The following ATF7IP variants were observed in gnomAD, a reference collection of about 807,000 sequenced individuals.
The protein encoded by ATF7IP is activating transcription factor 7-interacting protein 1.
Under a neutral mutation model 106.4 loss-of-function variants are expected in ATF7IP, and 23 were observed. The observed-to-expected ratio is 0.22, with a 90% confidence interval of 0.16 to 0.31. The LOEUF (loss-of-function observed/expected upper bound fraction) is 0.31, where lower values mean the gene tolerates loss of function less well. Among genes scored for constraint, ATF7IP ranks in the 10% least tolerant of loss-of-function variants. The pLI is 1.00. For missense variants in ATF7IP, 1,334 were observed against 1,524.3 expected (o/e 0.88, Z 2.08); for synonymous variants, 542 against 539.0 (o/e 1.01, Z -0.08).
At chr12:14,487,554 A>AC (rs1944663997) in intron 13 of ATF7IP, among the ~76,000 whole-genome samples, 1 of 152,226 alleles carries the variant, frequency 6.6e-6, no homozygotes, top group South Asian at 2.1e-4. Context: ...CAGGGAGGGT[A>AC]CGTTGCCCTC....
intron 1 of ATF7IP, among the ~76,000 whole-genome samples, chr12:14,405,529 C>T (rs572217145): frequency 1.3e-5 from 2 of 150,962 alleles, no homozygotes; most frequent in Non-Finnish European, 2.9e-5. Flanking sequence ...ATCCTCCCAC[C>T]TCAGCCTCCG....
chr12:14,392,258 C>T lies in ATF7IP; in HGVS notation c.-8+26431C>T, dbSNP rs1591779727. Among the ~76,000 whole-genome samples the T allele has an allele frequency of 4.0e-5, 6 of 151,208 alleles. No homozygotes were observed. In the East Asian group the frequency reaches 1.2e-3, roughly 29 times the overall value. Reference sequence around the variant, plus strand: ...TTCTTTTTTTTCTTTTAAAAATCATCATTTCAGGAAGAATGGAGTTGGGAG... The same window carrying T: ...TTCTTTTTTTTCTTTTAAAAATCATTATTTCAGGAAGAATGGAGTTGGGAG... On this transcript the variant is annotated intron_variant, in intron 1 of 14. Transcript: ENST00000261168.
Position 14,498,223 on chromosome 12 carries a change from C to T in ATF7IP, c.*150C>T. 1 of 720,726 alleles carries T rather than the reference C, an allele frequency of 1.4e-6. No individual in the cohort carries two copies. The highest frequency in any genetic ancestry group is 2.2e-6 in the Non-Finnish European group (1 of 448,448). The allele number at this position is 720,726 out of a possible 1,614,324, so 44.6% of individuals were successfully genotyped here. ...CACTACATTTGTTTATAACCAGAAG[C>T]AAAATAAACTCAGCCCACAAAGCTA... On this transcript the variant is annotated 3_prime_UTR_variant, in exon 15 of 15. Transcript: ENST00000261168.
chr12:14,386,562 A>G (rs1432982057), intron 1 of ATF7IP, among the ~76,000 whole-genome samples: 8 of 152,140 alleles, frequency 5.3e-5, no homozygotes, highest in East Asian at 1.9e-4. Flanking sequence ...GAGGATTCCA[A>G]TATATAAAAG....
At position 14,451,732 on chromosome 12, in the gene ATF7IP, T is replaced by A. The variant is rs561682663; in HGVS notation, c.1995+4679T>A. Reference sequence around the variant, plus strand: ...TTATTGTCAGAAAAGATACTTGGTATGATTTCATTCTTTCTAAATTTGTTA... The same window carrying A: ...TTATTGTCAGAAAAGATACTTGGTAAGATTTCATTCTTTCTAAATTTGTTA... On this transcript the variant is annotated intron_variant, in intron 6 of 14. Transcript: ENST00000261168. Among the ~76,000 whole-genome samples the A allele has an allele frequency of 2.0e-5, 3 of 152,306 alleles. No homozygotes were observed. In the South Asian group the frequency reaches 6.2e-4, roughly 32 times the overall value.
At chr12:14,444,990 G>GTTTT (rs1206306341) in intron 5 of ATF7IP, among the ~76,000 whole-genome samples, 3 of 131,542 alleles carry the variant, frequency 2.3e-5, no homozygotes, top group Non-Finnish European at 4.9e-5. Flanking sequence ...TAACCACCTA[G>GTTTT]TTTTTTTTTT....
intron 1 of ATF7IP, among the ~76,000 whole-genome samples, chr12:14,388,921 T>C (rs1939396928): frequency 6.6e-6 from 1 of 152,214 alleles, no homozygotes; most frequent in African/African-American, 2.4e-5. Context: ...ATTACAGGCA[T>C]GAGGCATCGT....
At chr12:14,454,372 G>GTCC in intron 6 of ATF7IP, among the ~76,000 whole-genome samples, 1 of 152,192 alleles carries the variant, frequency 6.6e-6, no homozygotes, top group Non-Finnish European at 1.5e-5. Context: ...CAAGTTGAGG[G>GTCC]TCCTGCCTTT....
intron 5 of ATF7IP, among the ~76,000 whole-genome samples, chr12:14,440,406 T>C (rs1942641282): frequency 6.6e-6 from 1 of 152,230 alleles, no homozygotes; most frequent in Admixed American, 6.5e-5. Flanking sequence ...GTATTCATTT[T>C]TAAAATTTTT....
At chr12:14,382,697 CTATT>C (rs1343736868) in intron 1 of ATF7IP, among the ~76,000 whole-genome samples, 1 of 152,104 alleles carries the variant, frequency 6.6e-6, no homozygotes, top group African/African-American at 2.4e-5. Context: ...TTTCAGCTCA[CTATT>C]TATTGAGCAA....
At chr12:14,432,222 G>A (rs908909606) in intron 2 of ATF7IP, among the ~76,000 whole-genome samples, 6 of 152,184 alleles carry the variant, frequency 3.9e-5, no homozygotes, top group African/African-American at 1.4e-4. Flanking sequence ...TGCTTTGTGC[G>A]ATGTGAGGAT....
At chr12:14,433,278 G>C (rs1942231149) in intron 2 of ATF7IP, among the ~76,000 whole-genome samples, 1 of 152,056 alleles carries the variant, frequency 6.6e-6, no homozygotes, top group African/African-American at 2.4e-5. Context: ...AGGCTGAGGG[G>C]GGTGGATCAC....
At chr12:14,370,313 C>CATT (rs1277695162) in intron 1 of ATF7IP, among the ~76,000 whole-genome samples, 1 of 152,124 alleles carries the variant, frequency 6.6e-6, no homozygotes, top group African/African-American at 2.4e-5. Context: ...AAAGTTTAAA[C>CATT]AGAGGTTGAC....
chr12:14,494,520 A>G (rs11055999), intron 13 of ATF7IP, among the ~76,000 whole-genome samples: 44,644 of 145,994 alleles, frequency 0.31, 7,968 homozygotes, highest in Admixed American at 0.45. Context: ...ATCCTACTAT[A>G]TATATACAGT....
chr12:14,434,446 G>T, intron 3 of ATF7IP, 23 bp downstream of exon 3: 1 of 1,167,552 alleles, frequency 8.6e-7, no homozygotes, highest in South Asian at 1.3e-5. Context: ...AAACAAACTT[G>T]AACTGGATTG....
At chr12:14,487,829 A>G (rs557249215) in intron 13 of ATF7IP, among the ~76,000 whole-genome samples, 4 of 152,240 alleles carry the variant, frequency 2.6e-5, no homozygotes, top group African/African-American at 9.6e-5. Flanking sequence ...CACTTTGTCC[A>G]CTGAACTTAG....
chr12:14,460,477 T>A lies in ATF7IP; in HGVS notation c.2159-18T>A, dbSNP rs554299949. The A allele has an allele frequency of 3.8e-6, 6 of 1,588,234 alleles. No homozygotes were observed. The highest frequency in any genetic ancestry group is 5.1e-6 in the Non-Finnish European group (6 of 1,168,516). On this transcript the variant is annotated intron_variant, in intron 8 of 14. Coordinates refer to ENST00000261168, the MANE Select transcript of ATF7IP (RefSeq NM_018179.5). The stretch of plus-strand genomic sequence containing the variant: ...TAATATAACCATTTAAACTGAGGCT[T>A]CTGTTTTCTTTCTATAGTATCTTCA...
chr12:14,367,740 A>G (rs1347134632), intron 1 of ATF7IP, among the ~76,000 whole-genome samples: 2 of 152,126 alleles, frequency 1.3e-5, no homozygotes, highest in Admixed American at 6.5e-5. Flanking sequence ...TGAAGAACAT[A>G]TTTATTGATG....
At chr12:14,433,554 C>T (rs971599449) in intron 2 of ATF7IP, among the ~76,000 whole-genome samples, 1 of 151,716 alleles carries the variant, frequency 6.6e-6, no homozygotes, top group Non-Finnish European at 1.5e-5. Context: ...CCTGTAATCC[C>T]AGCTACTCAG....
Sources: gnomAD v4.1 joint callset for allele counts (sites outside exome capture counted in the v4.1 genomes callset) on GRCh38, gnomAD v4.1.1 for gene constraint, MANE v1.5 for transcripts, NCBI Gene and HGNC (gene_info 2026-07-23, HGNC 2026-07-21) for gene names.